CCNJL: variants seen among roughly 807,000 people sequenced by gnomAD.
CCNJL encodes the protein cyclin J like.
A neutral mutation model predicts 33.4 loss-of-function variants in CCNJL; 33 were observed. The ratio of observed to expected loss-of-function variants is 0.99; its 90% confidence interval spans 0.75 to 1.32. The LOEUF (loss-of-function observed/expected upper bound fraction) is 1.32, where lower values mean the gene tolerates loss of function less well. Among genes scored for constraint, CCNJL ranks in the 40% most tolerant of loss-of-function variants. The pLI is 0.00. For missense variants in CCNJL, 512 were observed against 499.7 expected, an observed-to-expected ratio of 1.02 and a Z score of -0.23; for synonymous variants, 227 against 220.9, an observed-to-expected ratio of 1.03 and a Z score of -0.24.
At chr5:160,322,543 T>C (rs1191443890) in intron 1 of CCNJL, among the ~76,000 whole-genome samples, 3 of 152,218 alleles carry the variant, frequency 2.0e-5, no homozygotes, top group South Asian at 2.1e-4. Flanking sequence ...ATTGTATGCA[T>C]ACATAGTTTC....
chr5:160,262,335 C>T (rs1001746579), intron 3 of CCNJL, among the ~76,000 whole-genome samples: 1 of 152,156 alleles, frequency 6.6e-6, no homozygotes, highest in Non-Finnish European at 1.5e-5. Context: ...GCTACCAGGC[C>T]CAAGAGGATT....
intron 3 of CCNJL, among the ~76,000 whole-genome samples, chr5:160,275,170 C>T (rs572871301): frequency 2.6e-5 from 4 of 151,710 alleles, no homozygotes; most frequent in African/African-American, 7.3e-5. Context: ...CTGCAACCTC[C>T]GCCTCCCGGG....
intron 1 of CCNJL, among the ~76,000 whole-genome samples, chr5:160,324,627 G>GTCTGTCTATCTA (rs140137170): frequency 0.019 from 2,950 of 151,682 alleles, 88 homozygotes; most frequent in African/African-American, 0.056. Flanking sequence ...AAAACTGTCT[G>GTCTGTCTATCTA]TCTATCTATC....
At chr5:160,311,739 G>C (rs986080528) in intron 2 of CCNJL, 119 bp downstream of exon 2, 1 of 893,646 alleles carries the variant, frequency 1.1e-6, no homozygotes, top group African/African-American at 1.6e-5. Context: ...TAAAGGGTAA[G>C]AGGAAAAAAA....
intron 3 of CCNJL, among the ~76,000 whole-genome samples, chr5:160,273,529 G>A (rs984167813): frequency 6.6e-6 from 1 of 151,858 alleles, no homozygotes; most frequent in African/African-American, 2.4e-5. Context: ...AGAGGTGAAA[G>A]AAGAAGACAG....
intron 3 of CCNJL, among the ~76,000 whole-genome samples, chr5:160,275,232 G>A (rs544225739): frequency 2.5e-4 from 38 of 152,064 alleles, no homozygotes; most frequent in Admixed American, 1.8e-3. Flanking sequence ...TTACAGGTGC[G>A]TGCCACCATG....
At chr5:160,266,047 T>G (rs773500850) in intron 3 of CCNJL, among the ~76,000 whole-genome samples, 2 of 152,198 alleles carry the variant, frequency 1.3e-5, no homozygotes, top group Non-Finnish European at 2.9e-5. Context: ...GCCACCAGCC[T>G]ACCCTGCAGG....
At chr5:160,307,076 T>C (rs1400012560) in intron 2 of CCNJL, among the ~76,000 whole-genome samples, 3 of 152,218 alleles carry the variant, frequency 2.0e-5, no homozygotes, top group East Asian at 1.9e-4. Flanking sequence ...GAAGACGAGA[T>C]GAAGGATTCC....
At chr5:160,273,295 T>C (rs1761902132) in intron 3 of CCNJL, among the ~76,000 whole-genome samples, 2 of 152,230 alleles carry the variant, frequency 1.3e-5, no homozygotes, top group Non-Finnish European at 2.9e-5. Flanking sequence ...TTCATTAATA[T>C]TGAACTCATG....
At chr5:160,271,471 GC>G (rs1376766936) in intron 3 of CCNJL, among the ~76,000 whole-genome samples, 6 of 152,178 alleles carry the variant, frequency 3.9e-5, no homozygotes, top group Non-Finnish European at 8.8e-5. Context: ...AGAGCTTCCG[GC>G]CCAGCCAGCT....
At chr5:160,261,649 A>G (rs1761340253) in intron 3 of CCNJL, among the ~76,000 whole-genome samples, 1 of 149,962 alleles carries the variant, frequency 6.7e-6, no homozygotes, top group Non-Finnish European at 1.5e-5. Flanking sequence ...TCCCTCTTCA[A>G]GCACAGGATC....
At chr5:160,333,171 G>A (rs989931379) in intron 1 of CCNJL, among the ~76,000 whole-genome samples, 5 of 150,434 alleles carry the variant, frequency 3.3e-5, no homozygotes, top group African/African-American at 1.2e-4. Flanking sequence ...CGCCCAGGCT[G>A]GAGTGCAGTG....
At chr5:160,269,141 G>C (rs1761725724) in intron 3 of CCNJL, among the ~76,000 whole-genome samples, 1 of 152,224 alleles carries the variant, frequency 6.6e-6, no homozygotes, top group Admixed American at 6.5e-5. Context: ...GTGGCATTCG[G>C]CCAGCTGGGT....
rs1480589758 is a variant in CCNJL at position 160,251,035 on chromosome 5, A to G, written c.*2343T>C. ...GTTTATGTGGCAGCTTGGCTAGGCT[A>G]CAGTGCCTGTTGTGTGGCTAGGTAC... On this transcript the variant is annotated 3_prime_UTR_variant, in exon 6 of 6. Coordinates refer to ENST00000257536, the MANE Select transcript of CCNJL (RefSeq NM_001308173.3). The G allele has an allele frequency of 6.6e-6, 1 of 152,202 alleles. No individual in the cohort carries two copies. The highest frequency in any genetic ancestry group is 1.5e-5 in the Non-Finnish European group (1 of 68,036). 9.4% of individuals were successfully genotyped at this position (152,202 alleles called of 1,614,324 possible). A position where few individuals can be genotyped will look rare whatever the true frequency, so the allele number is the denominator to read the frequency against.
In CCNJL at chr5:160,264,433, G is replaced by T. The variant is rs576267865; in HGVS notation, c.281-4662C>A. 4.6e-5 allele frequency among the ~76,000 whole-genome samples: 7 copies of T among 152,144 alleles called. No homozygotes were observed. The East Asian group carries it at 1.2e-3, about 25-fold the overall frequency. ...TGAGGCTGGCACACAGAGCTCCTGG[G>T]CAATTCGTGGCAGGTGAGGATGACC... On this transcript the variant is annotated intron_variant, in intron 3 of 5. Coordinates refer to ENST00000257536, the MANE Select transcript of CCNJL (RefSeq NM_001308173.3).
chr5:160,264,153 G>A (rs754243070), intron 3 of CCNJL, among the ~76,000 whole-genome samples: 3 of 152,018 alleles, frequency 2.0e-5, no homozygotes, highest in Non-Finnish European at 4.4e-5. Context: ...TCGAAATCCT[G>A]GGCTCAAGTG....
At chr5:160,320,845 CTT>C (rs1561812531) in intron 1 of CCNJL, among the ~76,000 whole-genome samples, 19 of 81,854 alleles carry the variant, frequency 2.3e-4, no homozygotes, top group African/African-American at 7.7e-4. Flanking sequence ...TTCTTTCTTT[CTT>C]TCCTTCTTTC....
chr5:160,325,502 C>T (rs1763523642), intron 1 of CCNJL, among the ~76,000 whole-genome samples: 1 of 152,174 alleles, frequency 6.6e-6, no homozygotes, highest in African/African-American at 2.4e-5. Flanking sequence ...CTTTACCTAA[C>T]TGTTAAATCC....
chr5:160,302,789 A>G (rs7730950), intron 2 of CCNJL, among the ~76,000 whole-genome samples: 73,658 of 151,732 alleles, frequency 0.49, 19,284 homozygotes, highest in African/African-American at 0.69. Flanking sequence ...TTCAGCCTGG[A>G]CAACACAGTG....
Sources: allele counts gnomAD v4.1 joint callset (sites outside exome capture counted in the v4.1 genomes callset), GRCh38; gene constraint gnomAD v4.1.1; transcripts MANE v1.5; gene names NCBI Gene and HGNC (gene_info 2026-07-23, HGNC 2026-07-21).